Variants in ZNF385D observed in about 807,000 individuals in gnomAD.
ZNF385D encodes the protein zinc finger protein 659.
In ZNF385D, 15 loss-of-function variants were observed where a neutral mutation model predicts 35.8. That is an observed-to-expected ratio of 0.42 (90% CI 0.28 to 0.64). ZNF385D has a LOEUF of 0.64. ZNF385D is among the 30% of genes least tolerant of loss of function. The probability of loss-of-function intolerance (pLI) is 0.23; values close to 1 mark genes in which losing one functional copy is unlikely to be tolerated. For synonymous variants in ZNF385D, 212 were observed against 186.8 expected, an observed-to-expected ratio of 1.13 and a Z score of -1.10; for missense variants, 474 against 494.6, an observed-to-expected ratio of 0.96 and a Z score of 0.39.
intron 2 of ZNF385D, among the ~76,000 whole-genome samples, chr3:22,233,044 C>T (rs891383443): frequency 6.6e-6 from 1 of 152,084 alleles, no homozygotes; most frequent in Non-Finnish European, 1.5e-5. Context: ...TTTTCTCTTA[C>T]AAACCATGAT....
chr3:21,732,700 T>C (rs1559562680), intron 1 of ZNF385D, among the ~76,000 whole-genome samples: 1 of 152,380 alleles, frequency 6.6e-6, no homozygotes, highest in East Asian at 1.9e-4. Context: ...TTTGGTAAAG[T>C]ATCTGCTAAA....
intron 2 of ZNF385D, among the ~76,000 whole-genome samples, chr3:21,621,643 A>G (rs1420299226): frequency 6.8e-6 from 1 of 147,554 alleles, no homozygotes; most frequent in Non-Finnish European, 1.5e-5. Context: ...CGACCTTTCC[A>G]TGAGAAATGT....
At chr3:21,791,826 C>G (rs1018658203) in intron 3 of ZNF385D, among the ~76,000 whole-genome samples, 1 of 152,104 alleles carries the variant, frequency 6.6e-6, no homozygotes, top group Non-Finnish European at 1.5e-5. Context: ...CCTCCGACTC[C>G]CTGGTTCAAG....
chr3:21,684,800 A>G (rs908998673), intron 1 of ZNF385D, among the ~76,000 whole-genome samples: 2 of 152,200 alleles, frequency 1.3e-5, no homozygotes, highest in Non-Finnish European at 2.9e-5. Flanking sequence ...GCTAGTTAAG[A>G]ATGTCACATT....
intron 3 of ZNF385D, among the ~76,000 whole-genome samples, chr3:21,757,893 CAT>C (rs377718161): frequency 9.2e-5 from 14 of 152,258 alleles, no homozygotes; most frequent in African/African-American, 3.4e-4. Context: ...GTGTCTGAAA[CAT>C]AGGAGACATG....
At chr3:22,153,482 T>TTTG (rs1705395707) in intron 3 of ZNF385D, among the ~76,000 whole-genome samples, 1 of 149,064 alleles carries the variant, frequency 6.7e-6, no homozygotes, top group Non-Finnish European at 1.5e-5. Context: ...TTTTTTTTTT[T>TTTG]TGAGACAGAG....
chr3:21,620,610 A>C (rs1388649003), intron 2 of ZNF385D, among the ~76,000 whole-genome samples: 1 of 152,164 alleles, frequency 6.6e-6, no homozygotes, highest in Non-Finnish European at 1.5e-5. Context: ...AATGTCAGGC[A>C]AGATATTTCA....
intron 2 of ZNF385D, among the ~76,000 whole-genome samples, chr3:21,567,709 AT>A (rs1268611092): frequency 2.0e-5 from 3 of 152,224 alleles, no homozygotes; most frequent in African/African-American, 7.2e-5. Flanking sequence ...ATTAAGGAAT[AT>A]TGAAGTCTCC....
chr3:21,979,094 C>G (rs1694246810), intron 3 of ZNF385D, among the ~76,000 whole-genome samples: 1 of 151,970 alleles, frequency 6.6e-6, no homozygotes, highest in African/African-American at 2.4e-5. Context: ...CCAGTACATG[C>G]CAATTTTTTT....
At chr3:21,555,329 C>T (rs2062696393) in intron 3 of ZNF385D, among the ~76,000 whole-genome samples, 1 of 151,622 alleles carries the variant, frequency 6.6e-6, no homozygotes, top group East Asian at 1.9e-4. Flanking sequence ...AACCTGTCAT[C>T]TACATTAGGT....
Position 21,824,468 on chromosome 3 carries a change from AAT to A in ZNF385D, c.326-159442_326-159441del, listed in dbSNP as rs1183718230. Among the ~76,000 whole-genome samples the A allele has an allele frequency of 4.6e-5, 7 of 152,110 alleles. No homozygotes were observed. In the East Asian group the frequency reaches 7.7e-4, roughly 17 times the overall value. On this transcript the variant is annotated intron_variant, in intron 3 of 5. Transcript: ENST00000494108. ...TCTCTCCCTTTCTCTCTCACACACA[AAT>A]ATGTCTATATGCATATGTACATACA... is the stretch of plus-strand genomic sequence containing the variant.
In ZNF385D at chr3:22,037,999, T is replaced by C. The variant is rs559646274; in HGVS notation, c.325+130818A>G. On this transcript the variant is annotated intron_variant, in intron 3 of 5. Transcript: ENST00000494108. ...GGGAAAGGATTCCCTATTTAATAAA[T>C]GGTGCTGGGAAAACTGGCTAGCCAT... 5.0e-3 allele frequency among the ~76,000 whole-genome samples: 760 copies of C among 152,218 alleles called. 13 individuals carry two copies. The highest frequency in any genetic ancestry group is 0.017 in the African/African-American group (717 of 41,552).
At chr3:22,197,520 A>C (rs976354695) in intron 2 of ZNF385D, among the ~76,000 whole-genome samples, 2 of 152,072 alleles carry the variant, frequency 1.3e-5, no homozygotes, top group Non-Finnish European at 2.9e-5. Context: ...ATGCTTATAC[A>C]ATTTATAAAC....
chr3:21,673,504 T>C (rs1239156998), intron 1 of ZNF385D, among the ~76,000 whole-genome samples: 2 of 152,128 alleles, frequency 1.3e-5, no homozygotes, highest in Non-Finnish European at 2.9e-5. Context: ...TTCTCCTGGG[T>C]CCTTTGACTT....
chr3:22,248,961 C>A (rs1205062477), intron 2 of ZNF385D, among the ~76,000 whole-genome samples: 1 of 152,144 alleles, frequency 6.6e-6, no homozygotes, highest in Non-Finnish European at 1.5e-5. Context: ...AGCCCATATG[C>A]AGGAGAGGTC....
intron 3 of ZNF385D, among the ~76,000 whole-genome samples, chr3:21,557,351 T>G (rs1251360217): frequency 2.0e-5 from 3 of 152,182 alleles, no homozygotes; most frequent in Non-Finnish European, 4.4e-5. Flanking sequence ...AATACCTAAT[T>G]TATTGAGAGT....
At chr3:21,810,188 C>A (rs1049114842) in intron 3 of ZNF385D, among the ~76,000 whole-genome samples, 2 of 152,104 alleles carry the variant, frequency 1.3e-5, no homozygotes, top group East Asian at 3.9e-4. Flanking sequence ...AAGAAAAATA[C>A]ATCATGATCA....
chr3:22,014,443 C>A (rs369705010), intron 3 of ZNF385D, among the ~76,000 whole-genome samples: 1 of 152,040 alleles, frequency 6.6e-6, no homozygotes, highest in African/African-American at 2.4e-5. Flanking sequence ...CTCTGAAGAG[C>A]AGAAACCAAT....
chr3:21,594,223 C>T (rs979612937), intron 2 of ZNF385D, among the ~76,000 whole-genome samples: 4 of 152,168 alleles, frequency 2.6e-5, no homozygotes, highest in Non-Finnish European at 5.9e-5. Context: ...CAAGATCATT[C>T]ACACTTATTT....
Sources: allele counts gnomAD v4.1 joint callset (sites outside exome capture counted in the v4.1 genomes callset), GRCh38; gene constraint gnomAD v4.1.1; transcripts MANE v1.5; gene names NCBI Gene and HGNC (gene_info 2026-07-23, HGNC 2026-07-21).